Variants in MAP2K1 observed in about 807,000 individuals in gnomAD.
MAP2K1 encodes the protein mitogen-activated protein kinase kinase 1.
Under a neutral mutation model 46.3 loss-of-function variants are expected in MAP2K1, and 16 were observed. That is an observed-to-expected ratio of 0.35 (90% CI 0.23 to 0.52). The LOEUF (loss-of-function observed/expected upper bound fraction) is 0.52. MAP2K1 is among the 20% of genes least tolerant of loss of function. The pLI, the probability that MAP2K1 is intolerant of heterozygous loss-of-function variation, is 0.94. For missense variants in MAP2K1, 263 were observed against 497.1 expected, an observed-to-expected ratio of 0.53 and a Z score of 4.48; for synonymous variants, 183 against 185.6, an observed-to-expected ratio of 0.99 and a Z score of 0.11.
At chr15:66,420,705 G>T (rs2093435886) in intron 1 of MAP2K1, among the ~76,000 whole-genome samples, 4 of 6,174 alleles carry the variant, frequency 6.5e-4, no homozygotes, top group Admixed American at 7.0e-3. Flanking sequence ...CTTACTCTTG[G>T]CATATATATA....
At chr15:66,445,154 A>AAAT (rs1891831832) in intron 5 of MAP2K1, among the ~76,000 whole-genome samples, 1 of 10,090 alleles carries the variant, frequency 9.9e-5, no homozygotes, top group Non-Finnish European at 3.4e-4. Context: ...CAGCGGGGGG[A>AAAT]GGTGGGGGGG....
At chr15:66,453,733 C>T (rs1005322407) in intron 5 of MAP2K1, among the ~76,000 whole-genome samples, 1 of 152,214 alleles carries the variant, frequency 6.6e-6, no homozygotes, top group Non-Finnish European at 1.5e-5. Context: ...GAGGTCTTTT[C>T]TCTGCCTCAA....
chr15:66,414,969 C>T (rs1005164707), intron 1 of MAP2K1: 1 of 433,606 alleles, frequency 2.3e-6, no homozygotes, highest in Non-Finnish European at 4.6e-6. Context: ...GCTTGAGCTC[C>T]TTGTAGGAAA....
intron 1 of MAP2K1, among the ~76,000 whole-genome samples, chr15:66,421,807 A>AT (rs1472553224): frequency 6.6e-6 from 1 of 150,584 alleles, no homozygotes; most frequent in Non-Finnish European, 1.5e-5. Context: ...AAAAAAAAAA[A>AT]ACCAACAAAA....
At chr15:66,400,277 A>G (rs1186530826) in intron 1 of MAP2K1, among the ~76,000 whole-genome samples, 2 of 148,938 alleles carry the variant, frequency 1.3e-5, no homozygotes, top group African/African-American at 4.9e-5. Context: ...ACCTGGCTCA[A>G]CCTCCCAAAG....
intron 1 of MAP2K1, among the ~76,000 whole-genome samples, chr15:66,410,076 A>T (rs1035588725): frequency 2.6e-5 from 4 of 152,198 alleles, no homozygotes; most frequent in Admixed American, 2.6e-4. Context: ...CAGCCTACTC[A>T]GTTGTCAGAT....
At chr15:66,410,717 G>C (rs375110940) in intron 1 of MAP2K1, among the ~76,000 whole-genome samples, 2 of 152,174 alleles carry the variant, frequency 1.3e-5, no homozygotes, top group South Asian at 2.1e-4. Context: ...GGATGCCATC[G>C]ACAGGTTTGC....
intron 5 of MAP2K1, among the ~76,000 whole-genome samples, chr15:66,480,128 AC>A: frequency 6.7e-6 from 1 of 149,024 alleles, no homozygotes; most frequent in Non-Finnish European, 1.5e-5. Context: ...TGGCTCTGTC[AC>A]CCAGGCTGGA....
intron 5 of MAP2K1, among the ~76,000 whole-genome samples, chr15:66,454,689 G>T (rs907171057): frequency 6.6e-6 from 1 of 152,102 alleles, no homozygotes; most frequent in African/African-American, 2.4e-5. Context: ...TTTGAGACCA[G>T]CCTGGCCAAC....
At chr15:66,490,386 G>A (rs749808797) in intron 10 of MAP2K1, 116 bp from the exon 11 acceptor site, 1 of 811,890 alleles carries the variant, frequency 1.2e-6, no homozygotes. Flanking sequence ...GGTGCCAGGT[G>A]CTCTTTCCAA....
At chr15:66,489,555 A>G (rs1893169550) in intron 9 of MAP2K1, 163 bp from the exon 10 acceptor site, 1 of 740,764 alleles carries the variant, frequency 1.3e-6, no homozygotes, top group African/African-American at 1.7e-5. Context: ...GCAAGAATGT[A>G]TTAACTTACT....
intron 1 of MAP2K1, among the ~76,000 whole-genome samples, chr15:66,407,636 G>T (rs1047884115): frequency 6.6e-6 from 1 of 152,234 alleles, no homozygotes; most frequent in African/African-American, 2.4e-5. Flanking sequence ...ATTGTTGAAA[G>T]AAATCTTGGT....
chr15:66,452,265 C>T (rs12916232), intron 5 of MAP2K1, among the ~76,000 whole-genome samples: 6,796 of 125,076 alleles, frequency 0.054, 269 homozygotes, highest in Middle Eastern at 0.12. Context: ...TGTGCACATG[C>T]ACCCTAAAAC....
rs144526292 is a variant in MAP2K1 at position 66,448,682 on chromosome 15, C to G, written c.568+3975C>G. On this transcript the variant is annotated intron_variant, in intron 5 of 10. Coordinates refer to ENST00000307102, the MANE Select transcript of MAP2K1 (RefSeq NM_002755.4). ...GTTTTGTGCATCTATTAATTTCAAC[C>G]TGGGCCACCAAACTGCATTGTTAAG... Among the ~76,000 whole-genome samples the G allele has an allele frequency of 2.6e-5, 4 of 152,148 alleles. No homozygotes were observed. In the East Asian group the frequency reaches 7.7e-4, roughly 29 times the overall value.
intron 5 of MAP2K1, among the ~76,000 whole-genome samples, chr15:66,477,059 A>T (rs1892770202): frequency 6.6e-6 from 1 of 152,056 alleles, no homozygotes; most frequent in African/African-American, 2.4e-5. Flanking sequence ...GGCTCCCAGG[A>T]CCAATGTGGT....
chr15:66,416,276 A>G (rs536923320), intron 1 of MAP2K1, among the ~76,000 whole-genome samples: 3 of 150,438 alleles, frequency 2.0e-5, no homozygotes, highest in Admixed American at 6.6e-5. Flanking sequence ...TTACACTTGT[A>G]TAGTTGTTGC....
chr15:66,488,320 C>A (rs1893118889), intron 8 of MAP2K1, among the ~76,000 whole-genome samples: 1 of 152,218 alleles, frequency 6.6e-6, no homozygotes, highest in Non-Finnish European at 1.5e-5. Flanking sequence ...TAGTCCTCAC[C>A]TAAGATCAGA....
intron 1 of MAP2K1, among the ~76,000 whole-genome samples, chr15:66,425,373 A>G (rs557109685): frequency 4.6e-5 from 7 of 151,616 alleles, no homozygotes; most frequent in African/African-American, 1.7e-4. Context: ...GCTTCACTCA[A>G]TTTAGCAGAA....
intron 1 of MAP2K1, among the ~76,000 whole-genome samples, chr15:66,395,319 C>T (rs2093364928): frequency 6.6e-6 from 1 of 152,146 alleles, no homozygotes. Flanking sequence ...GGTTACTGTA[C>T]TCACTGTGGG....
Sources: gnomAD v4.1 joint callset for allele counts (sites outside exome capture counted in the v4.1 genomes callset) on GRCh38, gnomAD v4.1.1 for gene constraint, MANE v1.5 for transcripts, NCBI Gene and HGNC (gene_info 2026-07-23, HGNC 2026-07-21) for gene names.